Variants in CTNNA2 observed in about 807,000 individuals in gnomAD.
CTNNA2 encodes catenin alpha-2.
In CTNNA2, 42 loss-of-function variants were observed where a neutral mutation model predicts 101.0. The observed-to-expected ratio is 0.42, with a 90% CI of 0.32 to 0.54. The LOEUF (loss-of-function observed/expected upper bound fraction) is 0.54, where lower values mean the gene tolerates loss of function less well. Among genes scored for constraint, CTNNA2 ranks in the 20% least tolerant of loss-of-function variants. The pLI, the probability that CTNNA2 is intolerant of heterozygous loss-of-function variation, is 0.14. For synonymous variants in CTNNA2, 450 were observed against 456.4 expected (o/e 0.99, Z 0.18); for missense variants, 871 against 1,223.1 (o/e 0.71, Z 4.29).
chr2:80,109,502 T>C (rs2148857887), intron 7 of CTNNA2, among the ~76,000 whole-genome samples: 1 of 152,166 alleles, frequency 6.6e-6, no homozygotes, highest in African/African-American at 2.4e-5. Flanking sequence ...AAGAACTTAT[T>C]GACTCCCAGG....
intron 3 of CTNNA2, among the ~76,000 whole-genome samples, chr2:79,826,883 C>T (rs1435749377): frequency 1.3e-5 from 2 of 152,106 alleles, no homozygotes; most frequent in Non-Finnish European, 2.9e-5. Flanking sequence ...GGATCACATC[C>T]GGACTCAGGA....
intron 4 of CTNNA2, among the ~76,000 whole-genome samples, chr2:79,394,816 G>T (rs1007673378): frequency 1.3e-5 from 2 of 152,024 alleles, no homozygotes. Context: ...TGTAAAAAAG[G>T]CCAAACAAGA....
intron 4 of CTNNA2, among the ~76,000 whole-genome samples, chr2:79,496,061 A>T (rs1237626346): frequency 1.3e-5 from 2 of 152,178 alleles, no homozygotes; most frequent in Non-Finnish European, 2.9e-5. Context: ...AAAATGTTCT[A>T]AAAATAGATA....
At chr2:79,638,302 T>A (rs1226273559) in intron 1 of CTNNA2, among the ~76,000 whole-genome samples, 2 of 152,174 alleles carry the variant, frequency 1.3e-5, no homozygotes, top group Non-Finnish European at 2.9e-5. Context: ...CCTGAGGTAT[T>A]TTTTGGCTCA....
chr2:79,369,796 T>C (rs1677830464), intron 3 of CTNNA2, among the ~76,000 whole-genome samples: 1 of 152,162 alleles, frequency 6.6e-6, no homozygotes, highest in Non-Finnish European at 1.5e-5. Context: ...TTAAATTCTG[T>C]CCAACGTTCA....
chr2:79,475,167 ACTTTGTAAT>A (rs1671038135), intron 4 of CTNNA2, among the ~76,000 whole-genome samples: 1 of 149,368 alleles, frequency 6.7e-6, no homozygotes. Context: ...TTTTTTTTTT[ACTTTGTAAT>A]CTTTTCTTCA....
intron 7 of CTNNA2, among the ~76,000 whole-genome samples, chr2:80,158,846 G>A (rs571922081): frequency 1.2e-4 from 18 of 151,810 alleles, no homozygotes; most frequent in Non-Finnish European, 2.5e-4. Flanking sequence ...GGAAGGCAGA[G>A]CTTGCAGTGA....
At chr2:80,349,740 G>T (rs1313570585) in intron 7 of CTNNA2, among the ~76,000 whole-genome samples, 1 of 152,010 alleles carries the variant, frequency 6.6e-6, no homozygotes, top group Non-Finnish European at 1.5e-5. Flanking sequence ...GGCTGGTCTT[G>T]AATTGTTGGG....
intron 2 of CTNNA2, among the ~76,000 whole-genome samples, chr2:79,722,052 G>T (rs1686524445): frequency 6.6e-6 from 1 of 152,052 alleles, no homozygotes; most frequent in Non-Finnish European, 1.5e-5. Context: ...AATTACACTT[G>T]AATTTGATTC....
intron 1 of CTNNA2, among the ~76,000 whole-genome samples, chr2:79,594,907 A>G (rs1027020395): frequency 1.3e-5 from 2 of 151,966 alleles, no homozygotes; most frequent in African/African-American, 4.8e-5. Context: ...TTCCTCTGAT[A>G]TTTCCTCATA....
At chr2:80,040,248 C>G (rs1695950368) in intron 7 of CTNNA2, among the ~76,000 whole-genome samples, 1 of 152,174 alleles carries the variant, frequency 6.6e-6, no homozygotes, top group African/African-American at 2.4e-5. Flanking sequence ...TATCACCTCT[C>G]CAGAATAATG....
intron 3 of CTNNA2, chr2:79,339,701 A>G (rs901241945): frequency 6.6e-6 from 1 of 152,282 alleles, no homozygotes; most frequent in Non-Finnish European, 1.5e-5. Context: ...AAATCCAGAT[A>G]TCTTGATTCT....
intron 7 of CTNNA2, among the ~76,000 whole-genome samples, chr2:80,170,659 T>A (rs113445604): frequency 6.6e-6 from 1 of 152,200 alleles, no homozygotes; most frequent in Non-Finnish European, 1.5e-5. Flanking sequence ...GCTTATCCGA[T>A]GAAATAATAT....
In CTNNA2 at chr2:80,647,963, G is replaced by C. The variant is rs568742500; in HGVS notation, c.*91G>C. 6 of 1,246,470 alleles carry C rather than the reference G, an allele frequency of 4.8e-6. No individual in the cohort carries two copies. The highest frequency in any genetic ancestry group is 2.5e-5 in the Admixed American group (1 of 39,310). 77.2% of individuals were successfully genotyped at this position (1,246,470 alleles called of 1,614,324 possible). A position where few individuals can be genotyped will look rare whatever the true frequency, so the allele number is the denominator to read the frequency against. ...TTTTTGTATGCATACCTGCCAGCTC[G>C]TATGCCTCTGGCATGGGGAAATTAA... On this transcript the variant is annotated 3_prime_UTR_variant, in exon 19 of 19. Coordinates refer to ENST00000402739, the MANE Select transcript of CTNNA2 (RefSeq NM_001282597.3).
chr2:79,591,910 T>G (rs372177046), intron 1 of CTNNA2, among the ~76,000 whole-genome samples: 2 of 15,668 alleles, frequency 1.3e-4, no homozygotes, highest in Admixed American at 9.0e-4. Context: ...AAAAAAAAAT[T>G]TTTTTTTTTT....
At chr2:80,120,190 C>T (rs1412967241) in intron 7 of CTNNA2, among the ~76,000 whole-genome samples, 1 of 152,162 alleles carries the variant, frequency 6.6e-6, no homozygotes, top group East Asian at 1.9e-4. Flanking sequence ...TGACTGATGA[C>T]AGTCAATAGA....
chr2:80,330,825 G>T (rs753072767), intron 7 of CTNNA2, among the ~76,000 whole-genome samples: 2 of 152,012 alleles, frequency 1.3e-5, no homozygotes, highest in Non-Finnish European at 1.5e-5. Context: ...ATTTTCCCCC[G>T]GGGTCAGTAA....
At chr2:79,380,126 C>G (rs1678022870) in intron 4 of CTNNA2, among the ~76,000 whole-genome samples, 2 of 152,114 alleles carry the variant, frequency 1.3e-5, no homozygotes, top group Admixed American at 1.3e-4. Flanking sequence ...CGGAAATTTT[C>G]TTGCAAAATG....
At chr2:79,210,505 AG>A (rs1192409564) in intron 2 of CTNNA2, among the ~76,000 whole-genome samples, 1 of 152,088 alleles carries the variant, frequency 6.6e-6, no homozygotes, top group African/African-American at 2.4e-5. Flanking sequence ...AGAGGTGAGG[AG>A]AAGAGGAGAA....
Sources: allele counts gnomAD v4.1 joint callset (sites outside exome capture counted in the v4.1 genomes callset), GRCh38; gene constraint gnomAD v4.1.1; transcripts MANE v1.5; gene names NCBI Gene and HGNC (gene_info 2026-07-23, HGNC 2026-07-21).